TES: variants seen among roughly 807,000 people sequenced by gnomAD.
TES encodes the protein testin.
Under a neutral mutation model 48.2 loss-of-function variants are expected in TES, and 41 were observed. The observed-to-expected ratio is 0.85, with a 90% confidence interval of 0.66 to 1.10. The LOEUF is 1.10. Among genes scored for constraint, TES ranks in the 50% least tolerant of loss-of-function variants. The probability of loss-of-function intolerance (pLI) is 0.00; values close to 1 mark genes in which losing one functional copy is unlikely to be tolerated. For missense variants in TES, 463 were observed against 515.1 expected, an observed-to-expected ratio of 0.90 and a Z score of 0.98; for synonymous variants, 162 against 174.9, an observed-to-expected ratio of 0.93 and a Z score of 0.58.
intron 1 of TES, among the ~76,000 whole-genome samples, chr7:116,229,218 C>T (rs1161841015): frequency 6.6e-6 from 1 of 151,808 alleles, no homozygotes; most frequent in Non-Finnish European, 1.5e-5. Context: ...CCCTGGGCAT[C>T]ATTAAATAAC....
chr7:116,249,726 A>T (rs972298356), intron 3 of TES: 20 of 162,942 alleles, frequency 1.2e-4, no homozygotes, highest in African/African-American at 4.8e-4. Flanking sequence ...TCCTTCCACT[A>T]TTATAACAAC....
intron 2 of TES, among the ~76,000 whole-genome samples, chr7:116,247,198 G>A (rs1331541809): frequency 6.6e-6 from 1 of 151,624 alleles, no homozygotes; most frequent in African/African-American, 2.4e-5. Context: ...GAAATGGAGG[G>A]CAAAAGAAAT....
chr7:116,222,552 A>G (rs1799569205), intron 1 of TES, among the ~76,000 whole-genome samples: 1 of 152,210 alleles, frequency 6.6e-6, no homozygotes, highest in South Asian at 2.1e-4. Context: ...ATGTATTATG[A>G]TGGGTTACCC....
intron 6 of TES, among the ~76,000 whole-genome samples, chr7:116,256,677 T>C (rs896325425): frequency 6.6e-6 from 1 of 152,238 alleles, no homozygotes; most frequent in African/African-American, 2.4e-5. Flanking sequence ...GTACAGGGAT[T>C]GTAAGTATTA....
chr7:116,247,477 G>A (rs190691005), intron 2 of TES, among the ~76,000 whole-genome samples: 2 of 152,026 alleles, frequency 1.3e-5, no homozygotes, highest in African/African-American at 4.8e-5. Flanking sequence ...GTTACACTCA[G>A]ACATGTCCCT....
chr7:116,210,611 C>G lies in TES; in HGVS notation c.-97C>G. On this transcript the variant is annotated 5_prime_UTR_variant, in exon 1 of 7. Transcript: ENST00000358204. ...CTGTTGAGCGGCGCCGCGGGAGTTC[C>G]GCAGGTTTCCCGTGTTCGCAGCGGA... is the stretch of plus-strand genomic sequence containing the variant. 8.1e-7 allele frequency: 1 copy of G among 1,228,124 alleles called. No individual in the cohort carries two copies. The highest frequency in any genetic ancestry group is 1.0e-6 in the Non-Finnish European group (1 of 960,506). 76.1% of individuals were successfully genotyped at this position (1,228,124 alleles called of 1,614,324 possible). A position where few individuals can be genotyped will look rare whatever the true frequency, so the allele number is the denominator to read the frequency against.
At chr7:116,249,337 C>A in intron 3 of TES, 65 bp downstream of exon 3, 13 of 1,579,662 alleles carry the variant, frequency 8.2e-6, no homozygotes, top group South Asian at 1.1e-5. Flanking sequence ...GGGGCAGTTT[C>A]TTTGATGACC....
intron 2 of TES, 41 bp from the exon 3 acceptor site, chr7:116,248,978 TA>T: frequency 1.3e-6 from 2 of 1,503,776 alleles, no homozygotes; most frequent in Non-Finnish European, 8.9e-7. Context: ...AAATATCAAT[TA>T]GGTACAATTA....
At chr7:116,248,890 TA>T in intron 2 of TES, 129 bp from the exon 3 acceptor site, 6 of 918,356 alleles carry the variant, frequency 6.5e-6, no homozygotes, top group Non-Finnish European at 7.7e-6. Context: ...TTCTCCCTCC[TA>T]AAAAAGGACT....
intron 6 of TES, 150 bp from the exon 7 acceptor site, chr7:116,257,144 A>T: frequency 2.6e-6 from 2 of 761,548 alleles, no homozygotes; most frequent in South Asian, 2.4e-5. Context: ...TTGGCCAAAA[A>T]GGTTAGCTAG....
chr7:116,239,999 G>A (rs1242541342), intron 2 of TES, among the ~76,000 whole-genome samples: 1 of 152,082 alleles, frequency 6.6e-6, no homozygotes, highest in Non-Finnish European at 1.5e-5. Flanking sequence ...TAAAACAGTT[G>A]CATTTTATTA....
intron 2 of TES, among the ~76,000 whole-genome samples, chr7:116,242,537 CTGTCTCTG>C (rs1005549360): frequency 3.5e-5 from 2 of 57,406 alleles, no homozygotes; most frequent in African/African-American, 1.6e-4. Context: ...CTCTCTCTCT[CTGTCTCTG>C]TCTCGGAATA....
At chr7:116,237,834 G>A (rs888226815) in intron 2 of TES, 11 of 132,834 alleles carry the variant, frequency 8.3e-5, no homozygotes, top group African/African-American at 3.3e-4. Flanking sequence ...CCTTTCCTTG[G>A]TGTGTGTGGG....
chr7:116,238,585 CATTATT>C (rs375782060), intron 2 of TES, among the ~76,000 whole-genome samples: 3 of 129,330 alleles, frequency 2.3e-5, no homozygotes, highest in South Asian at 2.8e-4. Context: ...CAACATCCAT[CATTATT>C]ATTATTATTA....
In TES at chr7:116,258,061, T is replaced by G. The variant is rs1800130257; in HGVS notation, c.*579T>G. ...TAGGCAGAGGTGGCATTTTCTTTAT[T>G]GCATTTCTCTATTTTTTTAATGTAC... On this transcript the variant is annotated 3_prime_UTR_variant, in exon 7 of 7. Coordinates refer to ENST00000358204, the MANE Select transcript of TES (RefSeq NM_015641.4). 1 of 152,236 alleles carries G rather than the reference T, an allele frequency of 6.6e-6. No individual in the cohort carries two copies. The highest frequency in any genetic ancestry group is 2.4e-5 in the African/African-American group (1 of 41,460). The allele number at this position is 152,236 out of a possible 1,614,324, so 9.4% of individuals were successfully genotyped here.
intron 2 of TES, among the ~76,000 whole-genome samples, chr7:116,244,518 T>C (rs1799894827): frequency 6.6e-6 from 1 of 152,254 alleles, no homozygotes; most frequent in Non-Finnish European, 1.5e-5. Context: ...TGGGTTCCCA[T>C]GGCCTTGGGC....
chr7:116,239,450 A>G (rs774600943), intron 2 of TES, among the ~76,000 whole-genome samples: 12 of 152,220 alleles, frequency 7.9e-5, no homozygotes, highest in Non-Finnish European at 1.8e-4. Context: ...CCTAATATTT[A>G]TTTTATTATG....
At chr7:116,244,815 C>T (rs1329785669) in intron 2 of TES, among the ~76,000 whole-genome samples, 1 of 152,218 alleles carries the variant, frequency 6.6e-6, no homozygotes, top group East Asian at 1.9e-4. Flanking sequence ...CCTCTGAAAT[C>T]TAGGCAGAGG....
At chr7:116,250,610 T>C in intron 4 of TES, 114 bp downstream of exon 4, 1 of 806,834 alleles carries the variant, frequency 1.2e-6, no homozygotes, top group South Asian at 3.4e-5. Context: ...GGAATAAGTA[T>C]GGGGAATAAA....
Sources: gnomAD v4.1 joint callset for allele counts (sites outside exome capture counted in the v4.1 genomes callset) on GRCh38, gnomAD v4.1.1 for gene constraint, MANE v1.5 for transcripts, NCBI Gene and HGNC (gene_info 2026-07-23, HGNC 2026-07-21) for gene names.